TBL1XR1: variants seen among roughly 807,000 people sequenced by gnomAD.
TBL1XR1 encodes F-box-like/WD repeat-containing protein TBL1XR1.
TBL1XR1 carries 5 observed loss-of-function variants against 66.9 expected under a neutral mutation model. The observed-to-expected ratio is 0.07, with a 90% CI of 0.04 to 0.16. The LOEUF is 0.16. Ranked by LOEUF, TBL1XR1 falls within the 10% of genes least tolerant of loss-of-function variation. The pLI, the probability that TBL1XR1 is intolerant of heterozygous loss-of-function variation, is 1.00. For synonymous variants in TBL1XR1, 210 were observed against 206.0 expected (o/e 1.02, Z -0.17); for missense variants, 238 against 623.2 (o/e 0.38, Z 6.58).
At chr3:177,079,230 G>T (rs572078751) in intron 2 of TBL1XR1, among the ~76,000 whole-genome samples, 2 of 151,824 alleles carry the variant, frequency 1.3e-5, no homozygotes, top group East Asian at 3.9e-4. Flanking sequence ...AGGAGATCAA[G>T]ACCATCCTGG....
At chr3:177,040,884 G>T (rs1251501910) in intron 10 of TBL1XR1, among the ~76,000 whole-genome samples, 1 of 152,100 alleles carries the variant, frequency 6.6e-6, no homozygotes, top group Non-Finnish European at 1.5e-5. Flanking sequence ...GGAAAGAAAA[G>T]ATTTAATGGG....
At chr3:177,179,851 A>C (rs1024789808) in intron 1 of TBL1XR1, among the ~76,000 whole-genome samples, 1 of 152,218 alleles carries the variant, frequency 6.6e-6, no homozygotes, top group African/African-American at 2.4e-5. Flanking sequence ...CAAGAAAGGC[A>C]AATGAGGCTA....
intron 12 of TBL1XR1, 47 bp downstream of exon 12, chr3:177,038,051 A>G (rs1469516576): frequency 1.9e-6 from 3 of 1,562,166 alleles, no homozygotes; most frequent in Non-Finnish European, 2.6e-6. Flanking sequence ...CAGAGCAACC[A>G]TACTGTGTGA....
intron 1 of TBL1XR1, among the ~76,000 whole-genome samples, chr3:177,108,529 G>A (rs184566584): frequency 6.6e-6 from 1 of 152,124 alleles, no homozygotes; most frequent in Non-Finnish European, 1.5e-5. Context: ...ATAGTGTTTG[G>A]CTTATTGTAA....
chr3:177,112,093 ATATATATATATATATTTT>A (rs1201697636), intron 1 of TBL1XR1, among the ~76,000 whole-genome samples: 1,485 of 49,640 alleles, frequency 0.03, 78 homozygotes, highest in African/African-American at 0.15. Flanking sequence ...ATATATATAT[ATATATATATATATATTTT>A]TTTTTTTTTT....
rs556215425 is a variant in TBL1XR1 at position 177,109,269 on chromosome 3, G to A, written c.-121-10728C>T. 3.3e-5 allele frequency among the ~76,000 whole-genome samples: 5 copies of A among 152,088 alleles called. No homozygotes were observed. The East Asian group carries it at 7.7e-4, about 24-fold the overall frequency. On this transcript the variant is annotated intron_variant, in intron 1 of 15. Transcript: ENST00000457928. ...ATGAAAGCAACCAAACATTCAATCA[G>A]AAACAAAGAACCTGCACACTAAATG...
At chr3:177,084,446 A>G (rs1721876007) in intron 2 of TBL1XR1, among the ~76,000 whole-genome samples, 1 of 152,238 alleles carries the variant, frequency 6.6e-6, no homozygotes, top group Non-Finnish European at 1.5e-5. Context: ...CAGTCAGCAT[A>G]ATGTTTCAGA....
At chr3:177,195,798 G>GCATC (rs1265549799) in intron 1 of TBL1XR1, 1 of 152,112 alleles carries the variant, frequency 6.6e-6, no homozygotes, top group African/African-American at 2.4e-5. Flanking sequence ...AGCTTGTTTA[G>GCATC]ATCAGCATAC....
chr3:177,087,470 C>CA (rs1722288823), intron 2 of TBL1XR1, among the ~76,000 whole-genome samples: 1 of 152,088 alleles, frequency 6.6e-6, no homozygotes, highest in Non-Finnish European at 1.5e-5. Flanking sequence ...TTTAAAAACT[C>CA]TCCTTACAGG....
chr3:177,173,289 C>G (rs575460302), intron 1 of TBL1XR1, among the ~76,000 whole-genome samples: 2 of 152,322 alleles, frequency 1.3e-5, no homozygotes, highest in East Asian at 3.9e-4. Context: ...GTACGTAGAA[C>G]TTAACATCCC....
chr3:177,074,094 G>A lies in TBL1XR1; in HGVS notation c.-45-9072C>T, dbSNP rs144994050. 5.2e-3 allele frequency among the ~76,000 whole-genome samples: 796 copies of A among 152,284 alleles called. 11 individuals are homozygous for A. The highest frequency in any genetic ancestry group is 0.019 in the African/African-American group (769 of 41,542). The stretch of plus-strand genomic sequence containing the variant: ...ACCTGTTTGCTACATAAGGAATAAA[G>A]GGAGCAGGGCTAGCTGGGCAAAAAA... On this transcript the variant is annotated intron_variant, in intron 2 of 15. Transcript: ENST00000457928.
intron 2 of TBL1XR1, among the ~76,000 whole-genome samples, chr3:177,093,710 CATAAAGTGGGG>C (rs1723111670): frequency 6.6e-6 from 1 of 152,148 alleles, no homozygotes; most frequent in East Asian, 1.9e-4. Flanking sequence ...CTAACAAAAA[CATAAAGTGGGG>C]ATAGAACACC....
chr3:177,039,420 G>A (rs1039662528), intron 10 of TBL1XR1, among the ~76,000 whole-genome samples: 3 of 152,022 alleles, frequency 2.0e-5, no homozygotes, highest in Admixed American at 1.3e-4. Context: ...AATGGAATAC[G>A]GCATATGATT....
At chr3:177,062,712 C>T (rs1436372917) in intron 3 of TBL1XR1, among the ~76,000 whole-genome samples, 1 of 152,122 alleles carries the variant, frequency 6.6e-6, no homozygotes, top group African/African-American at 2.4e-5. Flanking sequence ...ACATACTAAA[C>T]AATTATGGAG....
chr3:177,066,052 A>T (rs1334746998), intron 2 of TBL1XR1, among the ~76,000 whole-genome samples: 1 of 152,214 alleles, frequency 6.6e-6, no homozygotes, highest in Admixed American at 6.5e-5. Flanking sequence ...ATTCCTCTTT[A>T]AAAATGATAT....
intron 14 of TBL1XR1, among the ~76,000 whole-genome samples, chr3:177,031,147 G>A (rs1288895202): frequency 6.6e-6 from 1 of 151,982 alleles, no homozygotes; most frequent in African/African-American, 2.4e-5. Context: ...ATAAAGTTTA[G>A]CTGGGTGTAT....
chr3:177,142,002 T>C (rs1261783234), intron 1 of TBL1XR1, among the ~76,000 whole-genome samples: 1 of 152,176 alleles, frequency 6.6e-6, no homozygotes, highest in Non-Finnish European at 1.5e-5. Context: ...AATACTCAAA[T>C]TCATAAAGAC....
intron 1 of TBL1XR1, among the ~76,000 whole-genome samples, chr3:177,161,518 C>CA (rs1222514167): frequency 6.6e-6 from 1 of 152,138 alleles, no homozygotes; most frequent in Non-Finnish European, 1.5e-5. Flanking sequence ...CGCGGTGGCT[C>CA]ACGCCTGTAA....
intron 10 of TBL1XR1, among the ~76,000 whole-genome samples, chr3:177,039,163 C>T (rs1415070871): frequency 3.3e-5 from 5 of 151,952 alleles, no homozygotes; most frequent in African/African-American, 1.2e-4. Flanking sequence ...GGTCCCATCC[C>T]CATGATATTG....
Sources: allele counts gnomAD v4.1 joint callset (sites outside exome capture counted in the v4.1 genomes callset), GRCh38; gene constraint gnomAD v4.1.1; transcripts MANE v1.5; gene names NCBI Gene and HGNC (gene_info 2026-07-23, HGNC 2026-07-21).